The following KRT86 variants were observed in gnomAD, a reference collection of about 807,000 sequenced individuals.
KRT86 encodes keratin 86, also known as keratin, type II cuticular Hb6.
A neutral mutation model predicts 41.2 loss-of-function variants in KRT86; 30 were observed. That is an observed-to-expected ratio of 0.73 (90% CI 0.54 to 0.99). The LOEUF is 0.99. Ranked by LOEUF, KRT86 falls within the 50% of genes least tolerant of loss-of-function variation. The pLI is 0.00. For missense variants in KRT86, 561 were observed against 571.4 expected, an observed-to-expected ratio of 0.98 and a Z score of 0.19; for synonymous variants, 238 against 238.1, an observed-to-expected ratio of 1.00 and a Z score of 0.00.
intron 1 of KRT86, chr12:52,274,986 A>T (rs1442392925): frequency 1.3e-5 from 2 of 152,344 alleles, no homozygotes; most frequent in Admixed American, 1.3e-4. Flanking sequence ...AGCAAAGAGC[A>T]TGGGCTTAAA....
At chr12:52,286,296 G>T in intron 2 of KRT86, 1 of 1,554,564 alleles carries the variant, frequency 6.4e-7, no homozygotes, top group East Asian at 2.4e-5. Flanking sequence ...CCCACACCCA[G>T]GGAGCTGATA....
In KRT86 at chr12:52,287,475, G is replaced by A. The variant is rs960634865; in HGVS notation, c.-5+11529G>A. On this transcript the variant is annotated intron_variant, in intron 2 of 10. Coordinates refer to ENST00000423955, the MANE Select transcript of KRT86 (RefSeq NM_001320198.2). ...GGACTCATTGAGAGACCACGACCAGGGACTCTACATGGACAAAGGGGGTGG... is the reference window on the plus strand; with the variant it reads ...GGACTCATTGAGAGACCACGACCAGAGACTCTACATGGACAAAGGGGGTGG... 5.6e-6 allele frequency: 9 copies of A among 1,594,076 alleles called. No homozygotes were observed. In the Admixed American group the frequency reaches 7.0e-5, roughly 12 times the overall value.
intron 1 of KRT86, 100 bp from the exon 2 acceptor site, chr12:52,275,721 A>C: frequency 3.0e-6 from 1 of 332,358 alleles, no homozygotes; most frequent in Non-Finnish European, 4.3e-6. Flanking sequence ...AGGGATGCCC[A>C]GAGAAGCTAG....
chr12:52,279,191 G>T (rs1937712298), intron 2 of KRT86: 2 of 152,256 alleles, frequency 1.3e-5, no homozygotes, highest in South Asian at 2.1e-4. Flanking sequence ...GGCTGTGTCC[G>T]TGGGCTTTAG....
intron 2 of KRT86, 175 bp from the exon 3 acceptor site, chr12:52,301,738 A>G (rs1938382084): frequency 8.1e-7 from 1 of 1,233,168 alleles, no homozygotes; most frequent in Non-Finnish European, 1.1e-6. Flanking sequence ...GAGCGACAGC[A>G]GCTAAACAAC....
chr12:52,302,841 TGGGG>T (rs71092757), intron 3 of KRT86, among the ~76,000 whole-genome samples: 1 of 127,146 alleles, frequency 7.9e-6, no homozygotes, highest in African/African-American at 2.9e-5. Flanking sequence ...GGGTGGGGGG[TGGGG>T]GGGGGGTCAC....
intron 1 of KRT86, chr12:52,275,046 G>A (rs1029700849): frequency 6.6e-6 from 1 of 152,214 alleles, no homozygotes; most frequent in African/African-American, 2.4e-5. Context: ...CTCCCCTCTT[G>A]CACGTGGTGG....
chr12:52,288,552 C>T, intron 2 of KRT86: 1 of 1,426,758 alleles, frequency 7.0e-7, no homozygotes, highest in Non-Finnish European at 9.9e-7. Flanking sequence ...CAGGGGAAAG[C>T]AGTCCCTGGT....
chr12:52,308,654 A>C lies in KRT86; in HGVS notation c.*69A>C. 1 of 1,488,276 alleles carries C rather than the reference A, an allele frequency of 6.7e-7. No homozygotes were observed. Among genetic ancestry groups the C allele is most frequent in the Non-Finnish European group, 9.1e-7 (1 of 1,094,188 alleles). 92.2% of individuals were successfully genotyped at this position (1,488,276 alleles called of 1,614,324 possible). A position where few individuals can be genotyped will look rare whatever the true frequency, so the allele number is the denominator to read the frequency against. ...CCAGCCAGTACCTCGCGCCACCAGA[A>C]CGCGCCGCCCGCGCCGGCCTCCCAA... On this transcript the variant is annotated 3_prime_UTR_variant, in exon 11 of 11. Transcript: ENST00000423955.
chr12:52,281,010 CT>C (rs142646375), intron 2 of KRT86, among the ~76,000 whole-genome samples: 1,748 of 152,302 alleles, frequency 0.011, 29 homozygotes, highest in African/African-American at 0.04. Context: ...ATCCCCAGGG[CT>C]TTGGGGTCAG....
intron 2 of KRT86, among the ~76,000 whole-genome samples, chr12:52,282,378 GC>G (rs1309498832): frequency 1.3e-5 from 2 of 151,960 alleles, no homozygotes; most frequent in African/African-American, 4.8e-5. Context: ...GACTACAGGC[GC>G]CTGCCACCGT....
intron 2 of KRT86, among the ~76,000 whole-genome samples, chr12:52,298,157 C>A (rs1938290631): frequency 1.3e-5 from 2 of 152,164 alleles, no homozygotes; most frequent in Admixed American, 6.5e-5. Flanking sequence ...TGTTCCTTTG[C>A]CAAAGAGAAG....
chr12:52,288,026 G>A (rs777470536), intron 2 of KRT86: 1 of 1,614,104 alleles, frequency 6.2e-7, no homozygotes, highest in Non-Finnish European at 8.5e-7. Context: ...GGCTGCGGGT[G>A]ACAATGTCGT....
intron 2 of KRT86, chr12:52,288,416 G>T (rs1938034016): frequency 1.2e-5 from 19 of 1,614,138 alleles, no homozygotes; most frequent in Non-Finnish European, 1.6e-5. Context: ...CTCCACGTTG[G>T]CCTCCAGGTC....
Position 52,305,773 on chromosome 12 carries a change from G to A in KRT86, c.1011G>A (p.Glu337=), listed in dbSNP as rs772262266. Reference sequence around the variant, plus strand: ...TCCAGAGGCTGACGGCTGAGGTGGAGAATGCCAAGTGCCAGGTATGGGGCA... The same window carrying A: ...TCCAGAGGCTGACGGCTGAGGTGGAAAATGCCAAGTGCCAGGTATGGGGCA... ...RMIQRLTAEV[E]NAKCQNSKLE... The change falls in exon 8 of 11, where the codon GAG becomes GAA. Residue 337 remains glutamate, a synonymous_variant. Transcript: ENST00000423955. 1.9e-6 allele frequency: 3 copies of A among 1,614,026 alleles called. 1 individual carries two copies. Among genetic ancestry groups the A allele is most frequent in the East Asian group, 2.2e-5 (1 of 44,880 alleles).
chr12:52,292,895 G>A (rs1399092780), intron 2 of KRT86, among the ~76,000 whole-genome samples: 1 of 152,166 alleles, frequency 6.6e-6, no homozygotes, highest in East Asian at 1.9e-4. Flanking sequence ...CCAGCACTTT[G>A]GGAGTCTGAG....
At position 52,301,952 on chromosome 12, in the gene KRT86, C is replaced by A. The variant is rs1265222098; in HGVS notation, c.36C>A (p.Phe12Leu). ...GATCTTACTGTGGTGGCCGCGCCTT[C>A]AGCTGCATCTCGGCCTGCGGGCCCC... ...TCGSYCGGRA[F>L]SCISACGPRP... Residue 12 changes from phenylalanine (F) to leucine (L), a missense_variant, in exon 3 of 11, where the codon TTC becomes TTA. Physicochemically the swap from Phe to Leu is conservative, Grantham distance 22. Coordinates refer to ENST00000423955, the MANE Select transcript of KRT86 (RefSeq NM_001320198.2). 6.2e-7 allele frequency: 1 copy of A among 1,613,706 alleles called. No homozygotes were observed. The highest frequency in any genetic ancestry group is 8.5e-7 in the Non-Finnish European group (1 of 1,179,794).
intron 2 of KRT86, among the ~76,000 whole-genome samples, chr12:52,300,749 G>A (rs11170081): frequency 2.0e-5 from 3 of 152,160 alleles, no homozygotes; most frequent in Admixed American, 2.0e-4. Flanking sequence ...GATGGCAGGG[G>A]CTGGATGCTC....
At chr12:52,298,240 T>A (rs1938292722) in intron 2 of KRT86, among the ~76,000 whole-genome samples, 3 of 152,172 alleles carry the variant, frequency 2.0e-5, no homozygotes, top group Admixed American at 2.0e-4. Context: ...TGTTTTGGGG[T>A]TCTTTTCGAG....
Sources: gnomAD v4.1 joint callset for allele counts (sites outside exome capture counted in the v4.1 genomes callset) on GRCh38, gnomAD v4.1.1 for gene constraint, MANE v1.5 for transcripts, NCBI Gene and HGNC (gene_info 2026-07-23, HGNC 2026-07-21) for gene names.